Variants in MEIOB observed in about 807,000 individuals in gnomAD.
MEIOB encodes the protein meiosis specific with OB-fold, also known as meiosis-specific with OB domain-containing protein.
A neutral mutation model predicts 53.1 loss-of-function variants in MEIOB; 50 were observed. The ratio of observed to expected loss-of-function variants is 0.94; its 90% CI spans 0.75 to 1.19. MEIOB has a LOEUF of 1.19. Ranked by LOEUF, MEIOB falls within the 50% of genes most tolerant of loss-of-function variation. The pLI is 0.00. For synonymous variants in MEIOB, 192 were observed against 182.5 expected (o/e 1.05, Z -0.42); for missense variants, 551 against 550.8 (o/e 1.00, Z 0.00).
chr16:1,860,247 T>C (rs1596981383), intron 5 of MEIOB, among the ~76,000 whole-genome samples, 156 bp downstream of exon 5: 1 of 152,252 alleles, frequency 6.6e-6, no homozygotes, highest in South Asian at 2.1e-4. Context: ...AAGTAAATTA[T>C]GTCATAATCA....
rs1318312265 is a variant in MEIOB at position 1,844,969 on chromosome 16, A to G, written c.779-6T>C. ...AATGTTAGCTTCTGGTATATCTTAAATTGAAAATGCATAATAAGTAAAAAG... is the reference window on the plus strand; with the variant it reads ...AATGTTAGCTTCTGGTATATCTTAAGTTGAAAATGCATAATAAGTAAAAAG... On this transcript the variant is annotated splice_region_variant and splice_polypyrimidine_tract_variant and intron_variant, in intron 9 of 13. Transcript: ENST00000325962. 2.3e-6 allele frequency: 3 copies of G among 1,281,918 alleles called. No homozygotes were observed. The highest frequency in any genetic ancestry group is 4.8e-5 in the East Asian group (2 of 42,096). The allele number at this position is 1,281,918 out of a possible 1,614,324, so 79.4% of individuals were successfully genotyped here.
chr16:1,844,870 G>T lies in MEIOB; in HGVS notation c.872C>A (p.Ser291Tyr). The T allele has an allele frequency of 2.0e-6, 3 of 1,519,172 alleles. No individual in the cohort carries two copies. Among genetic ancestry groups the T allele is most frequent in the Non-Finnish European group, 2.7e-6 (3 of 1,103,658 alleles). 94.1% of individuals were successfully genotyped at this position (1,519,172 alleles called of 1,614,324 possible). A position where few individuals can be genotyped will look rare whatever the true frequency, so the allele number is the denominator to read the frequency against. The change falls in exon 10 of 14, where the codon TCC becomes TAC. Residue 291 changes from serine to tyrosine, a missense_variant. By Grantham distance (144) the Ser-to-Tyr change is moderately radical. Transcript: ENST00000325962. ...DDEIDSYFKESINLSTIVDVY... is the reference protein window; with the variant it reads ...DDEIDSYFKEYINLSTIVDVY... ...TTTAAACGGTCACTTACAATTTATG[G>T]ATTCTTTGAAATAACTGTCAATTTC...
intron 11 of MEIOB, among the ~76,000 whole-genome samples, chr16:1,841,609 T>C (rs892808884): frequency 6.6e-6 from 1 of 152,224 alleles, no homozygotes; most frequent in Non-Finnish European, 1.5e-5. Context: ...GTTAGAATTA[T>C]GGAAATACAG....
At chr16:1,860,371 T>TGG in intron 5 of MEIOB, 32 bp downstream of exon 5, 2 of 1,193,796 alleles carry the variant, frequency 1.7e-6, no homozygotes, top group East Asian at 5.1e-5. Flanking sequence ...ATGATCATTC[T>TGG]CGCACAATCT....
At chr16:1,871,617 C>T (rs985112206) in intron 1 of MEIOB, among the ~76,000 whole-genome samples, 1 of 147,588 alleles carries the variant, frequency 6.8e-6, no homozygotes, top group East Asian at 2.0e-4. Context: ...CTCCACCTCC[C>T]GGGTTCTAGC....
At chr16:1,863,836 T>C (rs761877807) in intron 3 of MEIOB, among the ~76,000 whole-genome samples, 1 of 152,126 alleles carries the variant, frequency 6.6e-6, no homozygotes, top group Non-Finnish European at 1.5e-5. Flanking sequence ...TTTTCCAAAA[T>C]AGAAATTTCA....
chr16:1,838,385 A>G (rs1392503618), intron 12 of MEIOB, among the ~76,000 whole-genome samples: 1 of 152,192 alleles, frequency 6.6e-6, no homozygotes, highest in Non-Finnish European at 1.5e-5. Context: ...TCAGCAAGGA[A>G]AAATCCCCTC....
chr16:1,865,486 TAC>T (rs1172444306), intron 3 of MEIOB, among the ~76,000 whole-genome samples: 5 of 5,392 alleles, frequency 9.3e-4, no homozygotes, highest in Non-Finnish European at 2.1e-3. Flanking sequence ...CACACACGTG[TAC>T]ACACATACAC....
intron 9 of MEIOB, among the ~76,000 whole-genome samples, chr16:1,850,698 A>C (rs1742416): frequency 0.83 from 125,380 of 151,654 alleles, 51,960 homozygotes; most frequent in Middle Eastern, 0.9. Flanking sequence ...AGGCAGGCAG[A>C]TCACACGGTC....
intron 1 of MEIOB, among the ~76,000 whole-genome samples, chr16:1,870,980 T>C (rs2437748): frequency 0.022 from 3,408 of 152,136 alleles, 121 homozygotes; most frequent in East Asian, 0.1. Context: ...CTCCACATTT[T>C]TACCCCTTAG....
intron 13 of MEIOB, among the ~76,000 whole-genome samples, chr16:1,836,256 G>C (rs1898744667): frequency 6.6e-6 from 1 of 152,132 alleles, no homozygotes; most frequent in South Asian, 2.1e-4. Flanking sequence ...GCACGAAGCA[G>C]CTTGTCCATA....
rs1239181645 is a variant in MEIOB, at chr16:1,871,372, G to A, written c.-10+621C>T. The stretch of plus-strand genomic sequence containing the variant: ...GTAGCTGGGACTACAGGCACTCGCC[G>A]CCACGCCTGGCTAATTTTTTGTATT... On this transcript the variant is annotated intron_variant, in intron 1 of 13. Transcript: ENST00000325962. 1.7e-4 allele frequency among the ~76,000 whole-genome samples: 15 copies of A among 87,330 alleles called. 2 individuals carry two copies. The highest frequency in any genetic ancestry group is 1.2e-3 in the Admixed American group (10 of 8,160). The allele number at this position is 87,330 out of a possible 152,430, so 57.3% of individuals were successfully genotyped here.
intron 5 of MEIOB, among the ~76,000 whole-genome samples, chr16:1,860,013 C>A (rs192813341): frequency 1.3e-5 from 2 of 152,182 alleles, no homozygotes; most frequent in Non-Finnish European, 2.9e-5. Context: ...ACCAACCACT[C>A]CCACAAGAGT....
Position 1,865,844 on chromosome 16 carries a change from CA to C in MEIOB, c.70-10del. 7.1e-6 allele frequency: 11 copies of C among 1,538,574 alleles called. No individual in the cohort carries two copies. The highest frequency in any genetic ancestry group is 8.8e-6 in the Non-Finnish European group (10 of 1,140,980). On this transcript the variant is annotated splice_polypyrimidine_tract_variant and intron_variant, in intron 2 of 13. Transcript: ENST00000325962. ...ACTATACCGATAACTTTCTGAAAAA[CA>C]AAAAGGTCACAGAAGACCAATATTA...
intron 13 of MEIOB, among the ~76,000 whole-genome samples, chr16:1,835,537 G>A (rs963326436): frequency 2.0e-5 from 3 of 152,126 alleles, no homozygotes; most frequent in Non-Finnish European, 4.4e-5. Context: ...GGAAAACTGG[G>A]AAAGACTTTA....
chr16:1,839,740 T>C, intron 11 of MEIOB: 2 of 285,358 alleles, frequency 7.0e-6, no homozygotes, highest in South Asian at 1.0e-4. Flanking sequence ...TCCCTTCTCG[T>C]ATCCCAGCCT....
chr16:1,867,752 A>G (rs549858244), intron 2 of MEIOB, among the ~76,000 whole-genome samples: 1 of 152,240 alleles, frequency 6.6e-6, no homozygotes, highest in African/African-American at 2.4e-5. Flanking sequence ...GATTACAGAC[A>G]TGAGCCACTG....
intron 1 of MEIOB, among the ~76,000 whole-genome samples, chr16:1,869,180 AG>A (rs1899669527): frequency 6.6e-6 from 1 of 152,040 alleles, no homozygotes; most frequent in Non-Finnish European, 1.5e-5. Flanking sequence ...GGTGGAGTGC[AG>A]TGGCACAATC....
At chr16:1,851,827 T>C (rs1899179168) in intron 9 of MEIOB, among the ~76,000 whole-genome samples, 1 of 152,216 alleles carries the variant, frequency 6.6e-6, no homozygotes, top group Non-Finnish European at 1.5e-5. Context: ...ATGTTTTAAA[T>C]GATACACTAC....
Sources: gnomAD v4.1 joint callset for allele counts (sites outside exome capture counted in the v4.1 genomes callset) on GRCh38, gnomAD v4.1.1 for gene constraint, MANE v1.5 for transcripts, NCBI Gene and HGNC (gene_info 2026-07-23, HGNC 2026-07-21) for gene names.